PCM1: variants seen among roughly 807,000 people sequenced by gnomAD.
The protein encoded by PCM1 is pericentriolar material 1, also known as pericentriolar material 1 protein.
In PCM1, 157 loss-of-function variants were observed where a neutral mutation model predicts 241.9. The observed-to-expected ratio is 0.65, with a 90% CI of 0.57 to 0.74. The LOEUF (loss-of-function observed/expected upper bound fraction) is 0.74. Among genes scored for constraint, PCM1 ranks in the 30% least tolerant of loss-of-function variants. PCM1 has a pLI of 0.00. For missense variants in PCM1, 3,478 were observed against 2,360.1 expected, an observed-to-expected ratio of 1.47 and a Z score of -9.81; for synonymous variants, 1,085 against 784.9, an observed-to-expected ratio of 1.38 and a Z score of -6.39.
At chr8:18,018,859 T>TACACACACAC (rs1236484123) in intron 36 of PCM1, among the ~76,000 whole-genome samples, 2 of 45,978 alleles carry the variant, frequency 4.3e-5, no homozygotes, top group Non-Finnish European at 1.1e-4. Context: ...TGTGTATATA[T>TACACACACAC]ATATATATAT....
At chr8:17,952,601 G>A (rs1368073798) in intron 8 of PCM1, among the ~76,000 whole-genome samples, 1 of 152,164 alleles carries the variant, frequency 6.6e-6, no homozygotes, top group Non-Finnish European at 1.5e-5. Context: ...TATTTACATA[G>A]TGTTTATATT....
intron 36 of PCM1, among the ~76,000 whole-genome samples, chr8:18,020,817 G>C (rs112445579): frequency 6.6e-6 from 1 of 152,164 alleles, no homozygotes; most frequent in African/African-American, 2.4e-5. Context: ...TGCCTTTGGA[G>C]TGAGTGATGA....
intron 15 of PCM1, 32 bp downstream of exon 15, chr8:17,960,476 A>G (rs781674792): frequency 6.4e-7 from 1 of 1,557,758 alleles, no homozygotes; most frequent in Non-Finnish European, 8.7e-7. Context: ...AATTGTCTGA[A>G]AAAAGATGTT....
intron 8 of PCM1, among the ~76,000 whole-genome samples, chr8:17,951,186 G>C (rs1488313428): frequency 6.6e-6 from 1 of 152,168 alleles, no homozygotes; most frequent in African/African-American, 2.4e-5. Context: ...TTGAGAGTTA[G>C]CAAGTGTTAT....
At chr8:18,025,318 T>A in intron 36 of PCM1, 43 bp from the exon 37 acceptor site, 1 of 1,028,492 alleles carries the variant, frequency 9.7e-7, no homozygotes, top group Non-Finnish European at 1.5e-6. Context: ...GGATGACTGG[T>A]TTGGATCTAG....
Position 18,011,836 on chromosome 8 carries a change from G to A in PCM1, c.5511+9G>A, listed in dbSNP as rs758137764. 1.7e-5 allele frequency: 27 copies of A among 1,605,468 alleles called. No homozygotes were observed. The highest frequency in any genetic ancestry group is 3.3e-4 in the Middle Eastern group (2 of 6,064). Reference sequence around the variant, plus strand: ...ATGAACATGATGAACAGGTATTCCCGTATTGACTGACACACTTCCATCAGC... The same window carrying A: ...ATGAACATGATGAACAGGTATTCCCATATTGACTGACACACTTCCATCAGC... On this transcript the variant is annotated intron_variant, in intron 34 of 38. Transcript: ENST00000325083.
At chr8:17,965,808 T>C (rs898720718) in intron 18 of PCM1, among the ~76,000 whole-genome samples, 191 bp from the exon 19 acceptor site, 1 of 152,232 alleles carries the variant, frequency 6.6e-6, no homozygotes, top group Non-Finnish European at 1.5e-5. Context: ...GACTGGAGAC[T>C]AATGAAAACT....
intron 23 of PCM1, among the ~76,000 whole-genome samples, chr8:17,976,683 G>C (rs1425149547): frequency 6.6e-6 from 1 of 152,136 alleles, no homozygotes; most frequent in Non-Finnish European, 1.5e-5. Flanking sequence ...GGAGGCTCAA[G>C]TAGAAGTACT....
Position 17,950,723 on chromosome 8 carries a change from A to C in PCM1, c.1070A>C (p.Gln357Pro). ...TTTCATAATCAGCTTCGTGATTCTC[A>C]GGTAACCTAGATGTTTTAGTATAGT... ...QRFHNQLRDS[Q>P]PPAVPDNRRQ... Residue 357 changes from glutamine to proline, a missense_variant and splice_region_variant, in exon 8 of 39, where the codon CAG becomes CCG. Gln to Pro is a moderately conservative substitution (Grantham distance 76). Coordinates refer to ENST00000325083, the MANE Select transcript of PCM1 (RefSeq NM_006197.4). 1.3e-6 allele frequency: 2 copies of C among 1,514,752 alleles called. No individual in the cohort carries two copies. Among genetic ancestry groups the C allele is most frequent in the Non-Finnish European group, 1.8e-6 (2 of 1,100,106 alleles). 93.8% of individuals were successfully genotyped at this position (1,514,752 alleles called of 1,614,324 possible). A position where few individuals can be genotyped will look rare whatever the true frequency, so the allele number is the denominator to read the frequency against.
At chr8:17,945,125 A>T (rs535156675) in intron 6 of PCM1, among the ~76,000 whole-genome samples, 1 of 152,060 alleles carries the variant, frequency 6.6e-6, no homozygotes, top group East Asian at 1.9e-4. Flanking sequence ...TGATGAAATC[A>T]TTATAAAATT....
At chr8:18,010,754 G>T (rs764850664) in intron 32 of PCM1, 86 bp downstream of exon 32, 19 of 865,256 alleles carry the variant, frequency 2.2e-5, no homozygotes, top group Non-Finnish European at 3.2e-5. Flanking sequence ...AGGCCAAGGC[G>T]GGTGGATCAC....
At chr8:17,971,952 C>A (rs2076998783) in intron 22 of PCM1, among the ~76,000 whole-genome samples, 2 of 151,930 alleles carry the variant, frequency 1.3e-5, no homozygotes, top group South Asian at 4.1e-4. Flanking sequence ...ACCAACTTGT[C>A]TGGGCTGGTC....
At chr8:18,012,361 A>AT (rs1384851437) in intron 34 of PCM1, among the ~76,000 whole-genome samples, 7 of 152,174 alleles carry the variant, frequency 4.6e-5, no homozygotes, top group Admixed American at 4.6e-4. Flanking sequence ...AACAACCCTT[A>AT]TTTGACTTAA....
At chr8:18,027,223 C>G (rs1046278876) in intron 38 of PCM1, among the ~76,000 whole-genome samples, 7 of 152,158 alleles carry the variant, frequency 4.6e-5, no homozygotes, top group Non-Finnish European at 1.5e-5. Context: ...AATATGGTAC[C>G]CTTCTCAGTT....
At chr8:18,027,569 C>CAGAG (rs1431482139) in intron 38 of PCM1, 68 bp from the exon 39 acceptor site, 1 of 1,114,398 alleles carries the variant, frequency 9.0e-7, no homozygotes, top group African/African-American at 1.5e-5. Flanking sequence ...GCTTTAATGA[C>CAGAG]AGAGAACAAT....
intron 29 of PCM1, among the ~76,000 whole-genome samples, chr8:18,005,228 G>C (rs1309235201): frequency 1.3e-5 from 2 of 151,998 alleles, no homozygotes; most frequent in African/African-American, 4.8e-5. Flanking sequence ...TGATAAATAA[G>C]AATACCTGCA....
Position 18,011,836 on chromosome 8 carries a change from G to C in PCM1, c.5511+9G>C. The C allele has an allele frequency of 6.2e-7, 1 of 1,605,586 alleles. No homozygotes were observed. The highest frequency in any genetic ancestry group is 8.5e-7 in the Non-Finnish European group (1 of 1,176,868). On this transcript the variant is annotated intron_variant, in intron 34 of 38. Transcript: ENST00000325083. ...ATGAACATGATGAACAGGTATTCCC[G>C]TATTGACTGACACACTTCCATCAGC...
At chr8:17,961,384 C>A (rs1272837292) in intron 15 of PCM1, among the ~76,000 whole-genome samples, 1 of 134,274 alleles carries the variant, frequency 7.4e-6, no homozygotes, top group Admixed American at 8.5e-5. Flanking sequence ...AATCTCGGCT[C>A]ACTGCAAGCT....
At chr8:17,955,214 T>A (rs1002479281) in intron 9 of PCM1, among the ~76,000 whole-genome samples, 1 of 152,192 alleles carries the variant, frequency 6.6e-6, no homozygotes, top group African/African-American at 2.4e-5. Context: ...ATCTTTTTTC[T>A]TTCCTTTCTG....
Sources: gnomAD v4.1 joint callset for allele counts (sites outside exome capture counted in the v4.1 genomes callset) on GRCh38, gnomAD v4.1.1 for gene constraint, MANE v1.5 for transcripts, NCBI Gene and HGNC (gene_info 2026-07-23, HGNC 2026-07-21) for gene names.